Variants in PLAAT2 observed in about 807,000 individuals in gnomAD.
PLAAT2 encodes HRAS like suppressor 2.
PLAAT2 carries 12 observed loss-of-function variants against 12.8 expected under a neutral mutation model. That is an observed-to-expected ratio of 0.94 (90% CI 0.60 to 1.52). The LOEUF (loss-of-function observed/expected upper bound fraction) is 1.52, where lower values mean the gene tolerates loss of function less well. PLAAT2 is among the 40% of genes most tolerant of loss of function. The pLI is 0.00. For missense variants in PLAAT2, 166 were observed against 208.1 expected, an observed-to-expected ratio of 0.80 and a Z score of 1.24; for synonymous variants, 79 against 86.8, an observed-to-expected ratio of 0.91 and a Z score of 0.50.
intron 1 of PLAAT2, among the ~76,000 whole-genome samples, chr11:63,562,490 A>G (rs1398759243): frequency 6.6e-6 from 1 of 152,180 alleles, no homozygotes; most frequent in African/African-American, 2.4e-5. Context: ...GACAAAGTGA[A>G]TGTGTTCACG....
chr11:63,563,984 G>A (rs1291220186), upstream of PLAAT2, among the ~76,000 whole-genome samples: 2 of 152,136 alleles, frequency 1.3e-5, no homozygotes, highest in African/African-American at 4.8e-5. Flanking sequence ...AGAGACCATG[G>A]GGGAAAATTT....
rs1241820627 is a variant in PLAAT2, at chr11:63,560,200, C to T, written c.10-7G>A. 1 of 1,607,918 alleles carries T rather than the reference C, an allele frequency of 6.2e-7. No individual in the cohort carries two copies. Among genetic ancestry groups the T allele is most frequent in the Non-Finnish European group, 8.5e-7 (1 of 1,175,428 alleles). ...GTCTCGGTCTTGGTCTGGCCTGCAA[C>T]AGAAAAACCAGAAACAGGCAGAGGT... On this transcript the variant is annotated splice_polypyrimidine_tract_variant and splice_region_variant and intron_variant, in intron 1 of 3. Coordinates refer to ENST00000255695, the MANE Select transcript of PLAAT2 (RefSeq NM_017878.2).
intron 3 of PLAAT2, among the ~76,000 whole-genome samples, chr11:63,554,601 C>T (rs2017449305): frequency 6.7e-6 from 1 of 149,088 alleles, no homozygotes; most frequent in Admixed American, 6.7e-5. Context: ...GCACTCCAGC[C>T]TTGGTGACAG....
chr11:63,560,642 A>G (rs1373530410), intron 1 of PLAAT2, among the ~76,000 whole-genome samples: 1 of 152,180 alleles, frequency 6.6e-6, no homozygotes, highest in Non-Finnish European at 1.5e-5. Context: ...AACGCCCAAC[A>G]TGTCAGAGGC....
upstream of PLAAT2, among the ~76,000 whole-genome samples, chr11:63,563,655 T>A (rs1363663681): frequency 2.0e-5 from 3 of 148,302 alleles, no homozygotes; most frequent in Non-Finnish European, 3.0e-5. Flanking sequence ...TAGGCAGACC[T>A]TGCAGCGAGC....
Position 63,553,048 on chromosome 11 carries a change from C to G in PLAAT2, c.405G>C (p.Thr135=). The G allele has an allele frequency of 6.2e-7, 1 of 1,612,962 alleles. No individual in the cohort carries two copies. The highest frequency in any genetic ancestry group is 1.1e-5 in the South Asian group (1 of 91,008). ...GCAGGCCTGCTGCCACACCTACTGTCGTGACTGCACCAGTGACCTGCAGCA... is the reference window on the plus strand; with the variant it reads ...GCAGGCCTGCTGCCACACCTACTGTGGTGACTGCACCAGTGACCTGCAGCA... ...SRSDQVTGAV[T]TVGVAAGLLA... Residue 135 remains threonine (T), a synonymous_variant, in exon 4 of 4, where the codon ACG becomes ACC. Coordinates refer to ENST00000255695, the MANE Select transcript of PLAAT2 (RefSeq NM_017878.2).
At chr11:63,558,314 G>A (rs1025344728) in intron 3 of PLAAT2, 78 bp downstream of exon 3, 40 of 1,511,998 alleles carry the variant, frequency 2.6e-5, no homozygotes, top group African/African-American at 1.4e-4. Context: ...TCCCACCCTG[G>A]CCCCAGCAGG....
In PLAAT2 at chr11:63,558,639, G is replaced by T. The variant is rs200210991; in HGVS notation, c.140C>A (p.Ala47Glu). 6.2e-7 allele frequency: 1 copy of T among 1,614,196 alleles called. No individual in the cohort carries two copies. Among genetic ancestry groups the T allele is most frequent in the Admixed American group, 1.7e-5 (1 of 60,022 alleles). ...GGTCAGGGCAGACAGGACACTGGCCGCACCAGCTCCAGCAATTTCACCTGT... is the reference window on the plus strand; with the variant it reads ...GGTCAGGGCAGACAGGACACTGGCCTCACCAGCTCCAGCAATTTCACCTGT... The part of the protein sequence containing the change: ...APASEIAGAG[A>E]ASVLSALTNK... The change falls in exon 3 of 4, where the codon GCG becomes GAG. Residue 47 changes from alanine (A) to glutamate (E), a missense_variant. Coordinates refer to ENST00000255695, the MANE Select transcript of PLAAT2 (RefSeq NM_017878.2).
In PLAAT2 at chr11:63,558,473, C is replaced by T. The variant is rs771611099; in HGVS notation, c.306G>A (p.Gln102=). The change falls in exon 3 of 4, where the codon CAG becomes CAA. Residue 102 remains glutamine (Q), a synonymous_variant. Coordinates refer to ENST00000255695, the MANE Select transcript of PLAAT2 (RefSeq NM_017878.2). The part of the protein sequence containing the change: ...IVKRAEELVG[Q]ELPYSLTSDN... ...CACTGGTCAGCGAATAAGGCAACTC[C>T]TGCCCCACCAACTCCTCTGCCCGCT... The T allele has an allele frequency of 6.8e-6, 11 of 1,614,120 alleles. No individual in the cohort carries two copies. The African/African-American group carries it at 1.3e-4, about 20-fold the overall frequency.
chr11:63,564,799 C>G (rs2017548949), upstream of PLAAT2, among the ~76,000 whole-genome samples: 1 of 152,160 alleles, frequency 6.6e-6, no homozygotes, highest in Non-Finnish European at 1.5e-5. Flanking sequence ...CCAGCAATCT[C>G]AGTTCTTCCT....
chr11:63,554,341 AC>A (rs1378787451), intron 3 of PLAAT2, among the ~76,000 whole-genome samples: 1 of 152,034 alleles, frequency 6.6e-6, no homozygotes, highest in Non-Finnish European at 1.5e-5. Flanking sequence ...TAAAGAACTC[AC>A]GCAAAGGCCG....
Position 63,558,495 on chromosome 11 carries a change from C to T in PLAAT2, c.284G>A (p.Arg95Gln), listed in dbSNP as rs776664376. The T allele has an allele frequency of 2.0e-5, 33 of 1,614,110 alleles. No individual in the cohort carries two copies. The highest frequency in any genetic ancestry group is 1.0e-4 in the Admixed American group (6 of 60,010). The change falls in exon 3 of 4, where the codon CGG becomes CAG. Residue 95 changes from arginine to glutamine, a missense_variant. Coordinates refer to ENST00000255695, the MANE Select transcript of PLAAT2 (RefSeq NM_017878.2). ...TPLPSNKIVK[R>Q]AEELVGQELP... ...CTCCTGCCCCACCAACTCCTCTGCCCGCTTGACGATTTTGTTGGAAGGCAG... is the reference window on the plus strand; with the variant it reads ...CTCCTGCCCCACCAACTCCTCTGCCTGCTTGACGATTTTGTTGGAAGGCAG...
At chr11:63,558,777 A>G (rs895244523) in intron 2 of PLAAT2, 117 bp from the exon 3 acceptor site, 2 of 1,251,912 alleles carry the variant, frequency 1.6e-6, no homozygotes, top group Non-Finnish European at 2.2e-6. Flanking sequence ...GGACTTGTCC[A>G]TCCTGCCTGG....
chr11:63,559,105 GCT>G (rs2017495275), intron 2 of PLAAT2, among the ~76,000 whole-genome samples: 1 of 152,194 alleles, frequency 6.6e-6, no homozygotes, highest in African/African-American at 2.4e-5. Context: ...TTGGAGACCA[GCT>G]TGCACAATAT....
intron 1 of PLAAT2, among the ~76,000 whole-genome samples, chr11:63,562,268 A>T (rs1260296048): frequency 6.6e-6 from 1 of 152,116 alleles, no homozygotes; most frequent in Non-Finnish European, 1.5e-5. Flanking sequence ...TTTTTGAGAC[A>T]TGATCTCATT....
At chr11:63,555,544 T>A (rs1169585653) in intron 3 of PLAAT2, among the ~76,000 whole-genome samples, 1 of 152,084 alleles carries the variant, frequency 6.6e-6, no homozygotes. Context: ...ATACAAAAAT[T>A]AGCCGGGTGT....
intron 2 of PLAAT2, among the ~76,000 whole-genome samples, chr11:63,559,877 T>A (rs947906887): frequency 5.9e-5 from 9 of 152,084 alleles, no homozygotes; most frequent in Non-Finnish European, 1.5e-5. Context: ...CACTCTATAA[T>A]GGAATAAAGG....
At chr11:63,555,810 G>T (rs938722795) in intron 3 of PLAAT2, among the ~76,000 whole-genome samples, 2 of 152,146 alleles carry the variant, frequency 1.3e-5, no homozygotes, top group Non-Finnish European at 2.9e-5. Flanking sequence ...GTCCTCAGGG[G>T]GTCCTGGAAT....
At chr11:63,560,517 T>C (rs568799439) in intron 1 of PLAAT2, among the ~76,000 whole-genome samples, 2 of 152,292 alleles carry the variant, frequency 1.3e-5, no homozygotes, top group East Asian at 3.9e-4. Flanking sequence ...CAGAGTATGT[T>C]TTTGTCAGCT....
Sources: gnomAD v4.1 joint callset for allele counts (sites outside exome capture counted in the v4.1 genomes callset) on GRCh38, gnomAD v4.1.1 for gene constraint, MANE v1.5 for transcripts, NCBI Gene and HGNC (gene_info 2026-07-23, HGNC 2026-07-21) for gene names.